Variants in CEP112 observed in about 807,000 individuals in gnomAD.
CEP112 encodes centrosomal protein of 112 kDa.
A neutral mutation model predicts 153.0 loss-of-function variants in CEP112; 127 were observed. The ratio of observed to expected loss-of-function variants is 0.83; its 90% CI spans 0.72 to 0.96. The LOEUF is 0.96. CEP112 is among the 40% of genes least tolerant of loss of function. The probability of loss-of-function intolerance (pLI) is 0.00; values close to 1 mark genes in which losing one functional copy is unlikely to be tolerated. For missense variants in CEP112, 1,089 were observed against 1,101.2 expected (o/e 0.99, Z 0.16); for synonymous variants, 358 against 374.4 (o/e 0.96, Z 0.51).
chr17:65,718,827 C>A (rs2049702169), intron 23 of CEP112, among the ~76,000 whole-genome samples: 2 of 152,060 alleles, frequency 1.3e-5, no homozygotes, highest in Non-Finnish European at 1.5e-5. Context: ...TGGGGTTAAG[C>A]CTGTAAGTGT....
chr17:65,937,545 C>T (rs1376118832), intron 18 of CEP112, among the ~76,000 whole-genome samples: 239 of 108,194 alleles, frequency 2.2e-3, no homozygotes, highest in East Asian at 5.6e-3. Flanking sequence ...GCCCGGCCAG[C>T]CGCCCCGTCC....
intron 24 of CEP112, among the ~76,000 whole-genome samples, chr17:65,680,675 G>T (rs1357597281): frequency 6.6e-6 from 1 of 152,178 alleles, no homozygotes; most frequent in East Asian, 1.9e-4. Flanking sequence ...GCGGGGAGGT[G>T]CATTTTAGTC....
At chr17:65,729,272 C>T (rs1322923832) in intron 23 of CEP112, among the ~76,000 whole-genome samples, 9 of 152,134 alleles carry the variant, frequency 5.9e-5, no homozygotes. Context: ...AAGGTTTTCT[C>T]ATCATTTATT....
At chr17:66,000,841 A>G (rs2145389900) in intron 17 of CEP112, among the ~76,000 whole-genome samples, 1 of 152,222 alleles carries the variant, frequency 6.6e-6, no homozygotes, top group East Asian at 1.9e-4. Flanking sequence ...ATCTGGTGGA[A>G]CCCCATGATG....
intron 19 of CEP112, among the ~76,000 whole-genome samples, chr17:65,906,239 G>A (rs1033621666): frequency 2.0e-5 from 3 of 150,560 alleles, no homozygotes; most frequent in Non-Finnish European, 4.4e-5. Context: ...GACACAGGGA[G>A]GGGAACATCA....
intron 8 of CEP112, among the ~76,000 whole-genome samples, chr17:66,070,801 T>C (rs1270408881): frequency 1.3e-5 from 2 of 152,194 alleles, no homozygotes; most frequent in African/African-American, 4.8e-5. Context: ...TTAAGTGTTA[T>C]ACATTGGAGT....
intron 17 of CEP112, among the ~76,000 whole-genome samples, chr17:65,968,387 T>C (rs1345662822): frequency 6.6e-6 from 1 of 152,138 alleles, no homozygotes; most frequent in East Asian, 1.9e-4. Flanking sequence ...TATGCACAAA[T>C]AGATCAAATT....
chr17:66,141,003 T>C (rs1458846561), intron 4 of CEP112, among the ~76,000 whole-genome samples: 1 of 152,126 alleles, frequency 6.6e-6, no homozygotes, highest in Non-Finnish European at 1.5e-5. Flanking sequence ...TTGTGAGTAC[T>C]ACTTCTTTAT....
At chr17:66,118,186 G>A (rs754673362) in intron 6 of CEP112, among the ~76,000 whole-genome samples, 1 of 152,080 alleles carries the variant, frequency 6.6e-6, no homozygotes, top group Non-Finnish European at 1.5e-5. Context: ...AAGGAAATCA[G>A]TATATGGAAG....
At chr17:66,157,959 G>A (rs2071521725) in intron 4 of CEP112, among the ~76,000 whole-genome samples, 1 of 152,144 alleles carries the variant, frequency 6.6e-6, no homozygotes, top group African/African-American at 2.4e-5. Context: ...ACAGCCCACT[G>A]TCAATATCAG....
chr17:65,853,470 TCTGTAATC>T (rs1324152410), intron 20 of CEP112, among the ~76,000 whole-genome samples: 1 of 152,062 alleles, frequency 6.6e-6, no homozygotes, highest in African/African-American at 2.4e-5. Context: ...GTGACTCATG[TCTGTAATC>T]CCAGCACTTT....
chr17:65,884,167 TGGG>T (rs2059187735), intron 20 of CEP112, among the ~76,000 whole-genome samples: 1 of 151,718 alleles, frequency 6.6e-6, no homozygotes, highest in Admixed American at 6.6e-5. Context: ...GAAAAAAAAG[TGGG>T]GGTAGACTCC....
chr17:65,763,337 T>A (rs1236189043), intron 21 of CEP112, among the ~76,000 whole-genome samples: 1 of 152,054 alleles, frequency 6.6e-6, no homozygotes, highest in Non-Finnish European at 1.5e-5. Context: ...AGCTTACAGA[T>A]CTGTGGTTTG....
At chr17:66,040,494 C>CTTTTTTTTTTTT in intron 12 of CEP112, among the ~76,000 whole-genome samples, 1 of 133,484 alleles carries the variant, frequency 7.5e-6, no homozygotes, top group Non-Finnish European at 1.5e-5. Flanking sequence ...CCCTTTTTTT[C>CTTTTTTTTTTTT]TTTTTTTTTT....
intron 24 of CEP112, among the ~76,000 whole-genome samples, chr17:65,679,816 T>C (rs1448534754): frequency 6.6e-6 from 1 of 152,202 alleles, no homozygotes; most frequent in Non-Finnish European, 1.5e-5. Flanking sequence ...GATAGATCAC[T>C]GGGCATTGTG....
intron 22 of CEP112, among the ~76,000 whole-genome samples, chr17:65,743,910 C>T (rs555186399): frequency 1.6e-4 from 24 of 151,718 alleles, no homozygotes; most frequent in Non-Finnish European, 3.4e-4. Flanking sequence ...TACAGGTGCC[C>T]GTCACGATGC....
chr17:65,722,229 T>A (rs1416262509), intron 23 of CEP112, among the ~76,000 whole-genome samples: 1 of 151,096 alleles, frequency 6.6e-6, no homozygotes. Flanking sequence ...GACTGGGAGG[T>A]CAATAGAGCC....
At chr17:66,091,878 A>T (rs906501917) in intron 8 of CEP112, among the ~76,000 whole-genome samples, 1 of 152,188 alleles carries the variant, frequency 6.6e-6, no homozygotes, top group African/African-American at 2.4e-5. Flanking sequence ...ACAAAGGATC[A>T]TGAAAGACTA....
chr17:65,945,393 C>T (rs7226206), intron 18 of CEP112, among the ~76,000 whole-genome samples: 72,795 of 151,930 alleles, frequency 0.48, 18,433 homozygotes, highest in East Asian at 0.89. Context: ...CAGTAGGGCA[C>T]ATATGTAGGT....
Sources: allele counts gnomAD v4.1 joint callset (sites outside exome capture counted in the v4.1 genomes callset), GRCh38; gene constraint gnomAD v4.1.1; transcripts MANE v1.5; gene names NCBI Gene and HGNC (gene_info 2026-07-23, HGNC 2026-07-21).